Variants in CLCN3 observed in about 807,000 individuals in gnomAD.
CLCN3 encodes Cl-/H+ antiporter 3.
In CLCN3, 16 loss-of-function variants were observed where a neutral mutation model predicts 83.4. The ratio of observed to expected loss-of-function variants is 0.19; its 90% CI spans 0.13 to 0.29. CLCN3 has a LOEUF of 0.29. CLCN3 is among the 10% of genes least tolerant of loss of function. The probability of loss-of-function intolerance (pLI) is 1.00; values close to 1 mark genes in which losing one functional copy is unlikely to be tolerated. For missense variants in CLCN3, 544 were observed against 1,006.0 expected (o/e 0.54, Z 6.21); for synonymous variants, 322 against 346.2 (o/e 0.93, Z 0.78).
intron 12 of CLCN3, chr4:169,717,868 G>A (rs753223607): frequency 6.2e-7 from 1 of 1,604,028 alleles, no homozygotes; most frequent in African/African-American, 1.3e-5. Context: ...CGAACCCTTG[G>A]TGATTAGATA....
chr4:169,688,167 C>T (rs1732233414), intron 4 of CLCN3, among the ~76,000 whole-genome samples: 2 of 152,178 alleles, frequency 1.3e-5, no homozygotes, highest in South Asian at 4.1e-4. Context: ...GTCATTATCA[C>T]CATTTTGCAG....
chr4:169,673,926 T>A (rs1275603855), intron 2 of CLCN3, among the ~76,000 whole-genome samples: 2 of 152,222 alleles, frequency 1.3e-5, no homozygotes, highest in African/African-American at 4.8e-5. Context: ...GACGTGCTTT[T>A]ACTCCTAAAT....
intron 1 of CLCN3, among the ~76,000 whole-genome samples, chr4:169,632,281 G>C (rs1467666716): frequency 1.3e-5 from 2 of 152,132 alleles, no homozygotes; most frequent in Non-Finnish European, 2.9e-5. Context: ...AAAGATCAGT[G>C]AGTCTAGAGT....
chr4:169,709,109 A>G (rs985207462), intron 11 of CLCN3, among the ~76,000 whole-genome samples: 1 of 148,556 alleles, frequency 6.7e-6, no homozygotes, highest in African/African-American at 2.4e-5. Flanking sequence ...TACATTATAT[A>G]TATAGAAAAC....
intron 9 of CLCN3, among the ~76,000 whole-genome samples, chr4:169,700,991 A>G (rs1385466498): frequency 6.6e-6 from 1 of 152,206 alleles, no homozygotes; most frequent in African/African-American, 2.4e-5. Context: ...TTAAAATAAG[A>G]TAACAGTGAA....
At chr4:169,669,281 T>C (rs2150227797) in intron 2 of CLCN3, among the ~76,000 whole-genome samples, 1 of 152,284 alleles carries the variant, frequency 6.6e-6, no homozygotes. Context: ...AGCAGATACA[T>C]ATATGTTAGA....
At chr4:169,681,255 C>A (rs565567473) in intron 3 of CLCN3, among the ~76,000 whole-genome samples, 1 of 152,208 alleles carries the variant, frequency 6.6e-6, no homozygotes, top group South Asian at 2.1e-4. Flanking sequence ...GCCATGTTGG[C>A]GAGGCTAGTC....
chr4:169,717,810 C>A, intron 12 of CLCN3: 2 of 1,612,122 alleles, frequency 1.2e-6, no homozygotes, highest in Non-Finnish European at 1.7e-6. Context: ...TGGGGATCAT[C>A]ACAAAGAAGA....
chr4:169,660,373 G>A (rs1731011198), intron 2 of CLCN3: 1 of 1,408,530 alleles, frequency 7.1e-7, no homozygotes, highest in African/African-American at 1.5e-5. Flanking sequence ...TCTAATCATG[G>A]ATGCTTCTTC....
rs200829335 is a variant in CLCN3 at position 169,714,261 on chromosome 4, CAG to C, written c.2366+970_2366+971del. ...GCGTAAAGCTGGTTGAAATTCTAAA[CAG>C]AGAATCATAGCAGTTTTTTGTTGTT... is the stretch of plus-strand genomic sequence containing the variant. On this transcript the variant is annotated intron_variant, in intron 12 of 12. Coordinates refer to ENST00000513761, the MANE Select transcript of CLCN3 (RefSeq NM_001829.4). 3.1e-3 allele frequency among the ~76,000 whole-genome samples: 475 copies of C among 151,536 alleles called. 3 individuals carry two copies. The highest frequency in any genetic ancestry group is 0.011 in the African/African-American group (437 of 41,394).
intron 2 of CLCN3, among the ~76,000 whole-genome samples, chr4:169,679,643 C>G (rs904729013): frequency 6.6e-6 from 1 of 152,198 alleles, no homozygotes; most frequent in Non-Finnish European, 1.5e-5. Flanking sequence ...AATCCCGGCA[C>G]CTTGGGAGGC....
Position 169,644,234 on chromosome 4 carries a change from T to A in CLCN3, c.160+8146T>A, listed in dbSNP as rs76425198. ...CAGGCTTTTGTTTTCTGCAAATTCA[T>A]GTTGATGAAAAATATAACAACTGCT... is the stretch of plus-strand genomic sequence containing the variant. On this transcript the variant is annotated intron_variant, in intron 2 of 12. Coordinates refer to ENST00000513761, the MANE Select transcript of CLCN3 (RefSeq NM_001829.4). Among the ~76,000 whole-genome samples, 7 of 152,108 alleles carry A rather than the reference T, an allele frequency of 4.6e-5. No homozygotes were observed. In the East Asian group the frequency reaches 1.3e-3, roughly 29 times the overall value.
chr4:169,686,228 C>T (rs1467197520), intron 3 of CLCN3, among the ~76,000 whole-genome samples: 26 of 151,156 alleles, frequency 1.7e-4, no homozygotes, highest in Admixed American at 1.2e-3. Context: ...TGCTAAATGA[C>T]GAGTTAATGG....
intron 1 of CLCN3, among the ~76,000 whole-genome samples, chr4:169,629,030 A>G (rs1251402821): frequency 6.6e-6 from 1 of 152,218 alleles, no homozygotes. Context: ...CTGAGAACAA[A>G]GAGTTAATCC....
chr4:169,697,362 G>A lies in CLCN3; in HGVS notation c.1191G>A (p.Gly397=). ...AACTGTTTCCTTTTATTCTTCTAGG[G>A]GTATTTGGAGGGCTTTGGGGAGCCT... is the stretch of plus-strand genomic sequence containing the variant. The part of the protein sequence containing the change: ...LFELFPFILL[G]VFGGLWGAFF... The change falls in exon 9 of 13, where the codon GGG becomes GGA. Residue 397 remains glycine (G), a synonymous_variant. Coordinates refer to ENST00000513761, the MANE Select transcript of CLCN3 (RefSeq NM_001829.4). 1 of 1,613,970 alleles carries A rather than the reference G, an allele frequency of 6.2e-7. No homozygotes were observed. Among genetic ancestry groups the A allele is most frequent in the Admixed American group, 1.7e-5 (1 of 60,000 alleles).
intron 10 of CLCN3, among the ~76,000 whole-genome samples, chr4:169,706,589 G>C (rs969634178): frequency 6.6e-6 from 1 of 152,040 alleles, no homozygotes; most frequent in African/African-American, 2.4e-5. Flanking sequence ...TGTTTTAGTC[G>C]GTAAGCTTTG....
At chr4:169,660,533 T>G in intron 2 of CLCN3, 1 of 979,504 alleles carries the variant, frequency 1.0e-6, no homozygotes, top group Non-Finnish European at 1.3e-6. Flanking sequence ...TGGTTCTCGT[T>G]TGTCCTTTAA....
Position 169,635,891 on chromosome 4 carries a change from AACT to A in CLCN3, c.-16-18_-16-16del. ...TTATTGTATGTTTGAAAAATGTTAA[AACT>A]ACTTTTTCCCCCCCACAGATAATCA... is the stretch of plus-strand genomic sequence containing the variant. On this transcript the variant is annotated intron_variant, in intron 1 of 12. Coordinates refer to ENST00000513761, the MANE Select transcript of CLCN3 (RefSeq NM_001829.4). 2 of 1,504,784 alleles carry A rather than the reference AACT, an allele frequency of 1.3e-6. No homozygotes were observed. The highest frequency in any genetic ancestry group is 1.8e-6 in the Non-Finnish European group (2 of 1,122,748). The allele number at this position is 1,504,784 out of a possible 1,614,324, so 93.2% of individuals were successfully genotyped here.
chr4:169,627,374 G>T (rs4615139), intron 1 of CLCN3, among the ~76,000 whole-genome samples: 149,271 of 152,298 alleles, frequency 0.98, 73,207 homozygotes, highest in East Asian at 1. Flanking sequence ...TACGGACTGT[G>T]TGCCAGCCAG....
Sources: allele counts gnomAD v4.1 joint callset (sites outside exome capture counted in the v4.1 genomes callset), GRCh38; gene constraint gnomAD v4.1.1; transcripts MANE v1.5; gene names NCBI Gene and HGNC (gene_info 2026-07-23, HGNC 2026-07-21).